ADAMTSL1: variants seen among roughly 807,000 people sequenced by gnomAD.
ADAMTSL1 encodes the protein ADAMTS-like protein 1.
In ADAMTSL1, 126 loss-of-function variants were observed where a neutral mutation model predicts 201.8. The ratio of observed to expected loss-of-function variants is 0.62; its 90% confidence interval spans 0.54 to 0.72. ADAMTSL1 has a LOEUF of 0.72. Ranked by LOEUF, ADAMTSL1 falls within the 30% of genes least tolerant of loss-of-function variation. The pLI, the probability that ADAMTSL1 is intolerant of heterozygous loss-of-function variation, is 0.00. For synonymous variants in ADAMTSL1, 1,121 were observed against 903.4 expected (o/e 1.24, Z -4.32); for missense variants, 2,679 against 2,277.8 (o/e 1.18, Z -3.59).
intron 1 of ADAMTSL1, among the ~76,000 whole-genome samples, chr9:18,479,936 T>C (rs887968268): frequency 1.3e-5 from 2 of 152,214 alleles, no homozygotes; most frequent in African/African-American, 4.8e-5. Flanking sequence ...AAAAGAGGTA[T>C]ATATTCTGTA....
At chr9:18,880,867 C>G (rs1563883332) in intron 23 of ADAMTSL1, among the ~76,000 whole-genome samples, 1 of 152,224 alleles carries the variant, frequency 6.6e-6, no homozygotes, top group Non-Finnish European at 1.5e-5. Flanking sequence ...CACTGAAAAT[C>G]TCTTGTGTTT....
chr9:18,037,786 T>A (rs1328374520), intron 1 of ADAMTSL1, among the ~76,000 whole-genome samples: 1 of 152,176 alleles, frequency 6.6e-6, no homozygotes, highest in Non-Finnish European at 1.5e-5. Context: ...TTGTTCCATA[T>A]AAGAGAAATG....
chr9:18,877,631 T>C (rs1353678362), intron 23 of ADAMTSL1, among the ~76,000 whole-genome samples: 1 of 152,134 alleles, frequency 6.6e-6, no homozygotes, highest in Non-Finnish European at 1.5e-5. Flanking sequence ...CTGGTGGCAG[T>C]AGAAGGGGAG....
At position 18,093,704 on chromosome 9, in the gene ADAMTSL1, A is replaced by C. The variant is rs142063657; in HGVS notation, c.88-70158A>C. Among the ~76,000 whole-genome samples, 756 of 152,326 alleles carry C rather than the reference A, an allele frequency of 5.0e-3. 5 individuals carry two copies. Among genetic ancestry groups the C allele is most frequent in the Non-Finnish European group, 8.0e-3 (546 of 68,038 alleles). ...ATAGGCTCTCCTAAAGTTTTTAGCCATCCCTGGGTTTCAAAGTATTTGGCA... is the reference window on the plus strand; with the variant it reads ...ATAGGCTCTCCTAAAGTTTTTAGCCCTCCCTGGGTTTCAAAGTATTTGGCA... On this transcript the variant is annotated intron_variant, in intron 1 of 29. Transcript: ENST00000680146.
intron 2 of ADAMTSL1, among the ~76,000 whole-genome samples, chr9:18,295,590 G>A (rs532338941): frequency 1.4e-3 from 209 of 152,120 alleles, no homozygotes; most frequent in Middle Eastern, 0.014. Context: ...TGCCTGCGTC[G>A]GCCTCCCAAA....
intron 2 of ADAMTSL1, among the ~76,000 whole-genome samples, chr9:18,336,044 C>G (rs958531832): frequency 1.3e-5 from 2 of 152,036 alleles, no homozygotes; most frequent in African/African-American, 4.8e-5. Context: ...GATGAGTAAA[C>G]AAGTTCAGGT....
Position 18,242,429 on chromosome 9 carries a change from C to G in ADAMTSL1, c.207+78448C>G, listed in dbSNP as rs141698169. Among the ~76,000 whole-genome samples the G allele has an allele frequency of 9.5e-3, 1,445 of 152,146 alleles. 22 individuals carry two copies. Among genetic ancestry groups the G allele is most frequent in the African/African-American group, 0.032 (1,344 of 41,534 alleles). ...AGAATCAATGGGGAAAAACTGAAAGCTTTTTCATTAAGATCCAGTATGAAG... is the reference window on the plus strand; with the variant it reads ...AGAATCAATGGGGAAAAACTGAAAGGTTTTTCATTAAGATCCAGTATGAAG... On this transcript the variant is annotated intron_variant, in intron 2 of 29. Transcript: ENST00000680146.
intron 1 of ADAMTSL1, among the ~76,000 whole-genome samples, chr9:18,108,315 T>C (rs1824853067): frequency 6.7e-6 from 1 of 148,626 alleles, no homozygotes; most frequent in Non-Finnish European, 1.5e-5. Flanking sequence ...TCTTCCCACC[T>C]CATCCTCCCA....
chr9:17,959,426 G>A (rs1003096974), intron 1 of ADAMTSL1, among the ~76,000 whole-genome samples: 1 of 151,830 alleles, frequency 6.6e-6, no homozygotes, highest in African/African-American at 2.4e-5. Context: ...TGACAATTAG[G>A]TTAATTTTTT....
intron 2 of ADAMTSL1, among the ~76,000 whole-genome samples, chr9:18,312,391 C>T (rs538370347): frequency 1.3e-5 from 2 of 152,254 alleles, no homozygotes; most frequent in East Asian, 1.9e-4. Flanking sequence ...AGTGCCACAT[C>T]GTTGTATCTA....
At chr9:18,730,838 G>T (rs1818175695) in intron 15 of ADAMTSL1, among the ~76,000 whole-genome samples, 1 of 152,174 alleles carries the variant, frequency 6.6e-6, no homozygotes, top group South Asian at 2.1e-4. Flanking sequence ...GTAACTTACT[G>T]CTATTGACTC....
chr9:17,996,301 C>G (rs1192015509), intron 1 of ADAMTSL1, among the ~76,000 whole-genome samples: 1 of 152,038 alleles, frequency 6.6e-6, no homozygotes, highest in Non-Finnish European at 1.5e-5. Context: ...CAGACCTTGA[C>G]TGGCTTTTCA....
intron 2 of ADAMTSL1, among the ~76,000 whole-genome samples, chr9:18,315,755 G>A (rs1285445731): frequency 6.6e-6 from 1 of 152,206 alleles, no homozygotes; most frequent in East Asian, 1.9e-4. Flanking sequence ...TCCGGCCTCA[G>A]CCAACCTAGA....
chr9:17,999,616 T>TA (rs398046457), intron 1 of ADAMTSL1, among the ~76,000 whole-genome samples: 16 of 151,528 alleles, frequency 1.1e-4, no homozygotes, highest in Non-Finnish European at 1.8e-4. Context: ...TTTTTTTTTT[T>TA]ATTATACTTT....
chr9:18,078,710 C>G (rs1472625999), intron 1 of ADAMTSL1, among the ~76,000 whole-genome samples: 2 of 152,180 alleles, frequency 1.3e-5, no homozygotes, highest in Non-Finnish European at 2.9e-5. Flanking sequence ...TTCTGTTTCT[C>G]TGGTTACCAC....
Position 17,999,995 on chromosome 9 carries a change from A to C in ADAMTSL1, c.87+93073A>C, listed in dbSNP as rs200697374. Among the ~76,000 whole-genome samples, 3 of 145,188 alleles carry C rather than the reference A, an allele frequency of 2.1e-5. No individual in the cohort carries two copies. In the South Asian group the frequency reaches 6.8e-4, roughly 33 times the overall value. Reference sequence around the variant, plus strand: ...TATATGTGCCACATTTTCTTAATCCAGTCTATCATTGTTGGACATTTGGGT... The same window carrying C: ...TATATGTGCCACATTTTCTTAATCCCGTCTATCATTGTTGGACATTTGGGT... On this transcript the variant is annotated intron_variant, in intron 1 of 29. Coordinates refer to the ADAMTSL1 transcript ENST00000680146.
Position 18,153,897 on chromosome 9 carries a change from T to A in ADAMTSL1, c.88-9965T>A. 1.3e-5 allele frequency among the ~76,000 whole-genome samples: 2 copies of A among 151,956 alleles called. 1 individual carries two copies. The highest frequency in any genetic ancestry group is 2.9e-5 in the Non-Finnish European group (2 of 67,960). ...TGAAGAATGACACCATCCATTAAGA[T>A]GGAAATATCATTACACGGCTTTAAT... On this transcript the variant is annotated intron_variant, in intron 1 of 29. Coordinates refer to the ADAMTSL1 transcript ENST00000680146.
chr9:18,042,097 A>G (rs570086711), intron 1 of ADAMTSL1, among the ~76,000 whole-genome samples: 13,849 of 119,828 alleles, frequency 0.12, 1,219 homozygotes, highest in African/African-American at 0.31. Flanking sequence ...ATTGCTGGGA[A>G]AAAAAAAAAA....
At chr9:18,524,259 A>T (rs1384412533) in intron 2 of ADAMTSL1, among the ~76,000 whole-genome samples, 1 of 152,194 alleles carries the variant, frequency 6.6e-6, no homozygotes, top group African/African-American at 2.4e-5. Context: ...ATTGGTGTAT[A>T]AGAATGCTTG....
Sources: gnomAD v4.1 joint callset for allele counts (sites outside exome capture counted in the v4.1 genomes callset) on GRCh38, gnomAD v4.1.1 for gene constraint, MANE v1.5 for transcripts, NCBI Gene and HGNC (gene_info 2026-07-23, HGNC 2026-07-21) for gene names.